CAMK1D: variants seen among roughly 807,000 people sequenced by gnomAD.
CAMK1D encodes the protein calcium/calmodulin-dependent protein kinase type 1D.
Under a neutral mutation model 47.7 loss-of-function variants are expected in CAMK1D, and 9 were observed. The ratio of observed to expected loss-of-function variants is 0.19; its 90% CI spans 0.11 to 0.33. The LOEUF is 0.33. CAMK1D is among the 10% of genes least tolerant of loss of function. The pLI is 1.00. For synonymous variants in CAMK1D, 184 were observed against 184.9 expected (o/e 0.99, Z 0.04); for missense variants, 291 against 488.7 (o/e 0.60, Z 3.81).
chr10:12,447,909 A>G (rs978650810), intron 1 of CAMK1D, among the ~76,000 whole-genome samples: 6 of 152,098 alleles, frequency 3.9e-5, no homozygotes, highest in African/African-American at 1.4e-4. Flanking sequence ...CTAGGGTGCA[A>G]TGGCACAATC....
At position 12,534,160 on chromosome 10, in the gene CAMK1D, A is replaced by G. The variant is rs552135936; in HGVS notation, c.93-19065A>G. Among the ~76,000 whole-genome samples, 15 of 151,150 alleles carry G rather than the reference A, an allele frequency of 9.9e-5. No homozygotes were observed. In the East Asian group the frequency reaches 1.4e-3, roughly 14 times the overall value. On this transcript the variant is annotated intron_variant, in intron 1 of 10. Transcript: ENST00000619168. ...AACAAACCTCCACATCTATCTATCTATCTATCTGTCTATCTATCTATCTAT... is the reference window on the plus strand; with the variant it reads ...AACAAACCTCCACATCTATCTATCTGTCTATCTGTCTATCTATCTATCTAT...
chr10:12,487,385 G>A (rs182764421), intron 1 of CAMK1D, among the ~76,000 whole-genome samples: 1 of 152,258 alleles, frequency 6.6e-6, no homozygotes, highest in African/African-American at 2.4e-5. Flanking sequence ...ACTTCTTCCA[G>A]CCTCTAATTC....
intron 1 of CAMK1D, among the ~76,000 whole-genome samples, chr10:12,521,297 G>T (rs1835408951): frequency 6.6e-6 from 1 of 151,964 alleles, no homozygotes. Flanking sequence ...ACAAATTTTT[G>T]GTACTTTGTA....
intron 1 of CAMK1D, among the ~76,000 whole-genome samples, chr10:12,457,170 C>G (rs891984960): frequency 1.3e-5 from 2 of 152,108 alleles, no homozygotes; most frequent in South Asian, 4.1e-4. Context: ...GTGGGCAGAT[C>G]ACTTGAGGTT....
At chr10:12,458,660 T>C (rs962926231) in intron 1 of CAMK1D, among the ~76,000 whole-genome samples, 5 of 152,152 alleles carry the variant, frequency 3.3e-5, no homozygotes, top group African/African-American at 1.2e-4. Flanking sequence ...CTTGAACTCC[T>C]GGCCTCAAGC....
intron 1 of CAMK1D, among the ~76,000 whole-genome samples, chr10:12,451,738 T>C (rs546920215): frequency 2.6e-5 from 4 of 152,208 alleles, no homozygotes; most frequent in South Asian, 2.1e-4. Context: ...CTTTGTTGCA[T>C]TGGGAGGCAG....
chr10:12,642,480 C>T (rs146835168), intron 2 of CAMK1D, among the ~76,000 whole-genome samples: 44 of 152,282 alleles, frequency 2.9e-4, no homozygotes, highest in Admixed American at 2.1e-3. Flanking sequence ...TGGGGGGTAG[C>T]GGATAAACCC....
At chr10:12,715,381 G>A (rs1044693253) in intron 3 of CAMK1D, among the ~76,000 whole-genome samples, 1 of 152,072 alleles carries the variant, frequency 6.6e-6, no homozygotes, top group Non-Finnish European at 1.5e-5. Context: ...CTTATCACTA[G>A]CTGCTTCAGG....
rs1216220972 is a variant in CAMK1D at position 12,615,880 on chromosome 10, GTA to G, written c.225-50854_225-50853del. Among the ~76,000 whole-genome samples, 5 of 151,690 alleles carry G rather than the reference GTA, an allele frequency of 3.3e-5. No homozygotes were observed. The South Asian group carries it at 6.3e-4, about 19-fold the overall frequency. On this transcript the variant is annotated intron_variant, in intron 2 of 10. Transcript: ENST00000619168. ...TGTGTATGCATGTATGTGTATAAGT[GTA>G]TGCATAAGTGAGAGCATGTGCTGGT...
At chr10:12,681,897 A>G (rs1391267945) in intron 3 of CAMK1D, among the ~76,000 whole-genome samples, 1 of 152,254 alleles carries the variant, frequency 6.6e-6, no homozygotes, top group African/African-American at 2.4e-5. Context: ...AAAGAAAACA[A>G]ATTAAATGAT....
intron 1 of CAMK1D, among the ~76,000 whole-genome samples, chr10:12,409,071 G>A (rs1839558827): frequency 6.6e-6 from 1 of 151,956 alleles, no homozygotes; most frequent in Non-Finnish European, 1.5e-5. Context: ...TGGCCAGGCT[G>A]GTTTTGAACT....
chr10:12,637,416 G>A (rs957417287), intron 2 of CAMK1D, among the ~76,000 whole-genome samples: 3 of 152,166 alleles, frequency 2.0e-5, no homozygotes, highest in Admixed American at 6.5e-5. Flanking sequence ...TCAGTGTTGC[G>A]ATTACCTTCC....
chr10:12,724,050 G>C (rs779853870), intron 3 of CAMK1D, among the ~76,000 whole-genome samples: 6 of 152,148 alleles, frequency 3.9e-5, no homozygotes, highest in Non-Finnish European at 5.9e-5. Context: ...GTGCAGTGGC[G>C]TGATCCCAGC....
intron 2 of CAMK1D, among the ~76,000 whole-genome samples, chr10:12,628,519 CTAT>C (rs768507404): frequency 4.2e-4 from 64 of 152,186 alleles, no homozygotes; most frequent in Non-Finnish European, 6.9e-4. Context: ...CCAATTTGCC[CTAT>C]TATTAACATC....
intron 1 of CAMK1D, among the ~76,000 whole-genome samples, chr10:12,419,976 T>C (rs996257534): frequency 6.6e-6 from 1 of 152,022 alleles, no homozygotes; most frequent in Non-Finnish European, 1.5e-5. Context: ...TTTTTTTCTC[T>C]TGAGACAGAG....
chr10:12,607,475 A>G (rs894651107), intron 2 of CAMK1D, among the ~76,000 whole-genome samples: 2 of 152,138 alleles, frequency 1.3e-5, no homozygotes, highest in African/African-American at 2.4e-5. Flanking sequence ...TTTTCCAATA[A>G]CATCTTCCTG....
At chr10:12,691,773 T>A (rs1832941813) in intron 3 of CAMK1D, among the ~76,000 whole-genome samples, 1 of 152,086 alleles carries the variant, frequency 6.6e-6, no homozygotes, top group African/African-American at 2.4e-5. Context: ...ATATGCAGTA[T>A]ATGTGGTGCA....
intron 3 of CAMK1D, among the ~76,000 whole-genome samples, chr10:12,713,925 G>A (rs1834024618): frequency 6.6e-6 from 1 of 152,210 alleles, no homozygotes. Flanking sequence ...CCCCTTTAGG[G>A]CAAAAATACT....
chr10:12,470,376 T>G (rs1231924610), intron 1 of CAMK1D, among the ~76,000 whole-genome samples: 2 of 152,198 alleles, frequency 1.3e-5, no homozygotes, highest in Non-Finnish European at 2.9e-5. Context: ...TTTCTGTGCA[T>G]AGTCAACACA....
Sources: allele counts gnomAD v4.1 joint callset (sites outside exome capture counted in the v4.1 genomes callset), GRCh38; gene constraint gnomAD v4.1.1; transcripts MANE v1.5; gene names NCBI Gene and HGNC (gene_info 2026-07-23, HGNC 2026-07-21).